The following CACNA1C variants were observed in gnomAD, a reference collection of about 807,000 sequenced individuals.
CACNA1C encodes the protein voltage-dependent L-type calcium channel subunit alpha-1C.
In CACNA1C, 30 loss-of-function variants were observed where a neutral mutation model predicts 229.0. That is an observed-to-expected ratio of 0.13 (90% confidence interval 0.10 to 0.18). CACNA1C has a LOEUF of 0.18. CACNA1C is among the 10% of genes least tolerant of loss of function. CACNA1C has a pLI of 1.00. For synonymous variants in CACNA1C, 1,114 were observed against 1,132.5 expected (o/e 0.98, Z 0.33); for missense variants, 1,658 against 2,845.0 (o/e 0.58, Z 9.49).
chr12:2,415,711 A>G (rs971432679), intron 3 of CACNA1C, among the ~76,000 whole-genome samples: 17 of 152,146 alleles, frequency 1.1e-4, no homozygotes, highest in African/African-American at 3.6e-4. Context: ...TTCCTGCTTG[A>G]TGTGACCAGA....
chr12:2,619,484 T>C (rs968615257), intron 29 of CACNA1C, among the ~76,000 whole-genome samples: 1 of 152,254 alleles, frequency 6.6e-6, no homozygotes, highest in Non-Finnish European at 1.5e-5. Context: ...CCATGTATTC[T>C]ATCCCTTCAG....
chr12:2,484,908 T>A (rs1397502669), intron 5 of CACNA1C, among the ~76,000 whole-genome samples: 1 of 88,402 alleles, frequency 1.1e-5, no homozygotes, highest in Non-Finnish European at 2.2e-5. Flanking sequence ...TTCTCTTCTT[T>A]CTTTTTTTTT....
At position 2,633,698 on chromosome 12, in the gene CACNA1C, C is replaced by G. The variant is rs1315420451; in HGVS notation, c.3829-599C>G. 6.3e-7 allele frequency: 1 copy of G among 1,593,666 alleles called. No homozygotes were observed. On this transcript the variant is annotated intron_variant, in intron 29 of 46. Coordinates refer to ENST00000399655, the MANE Select transcript of CACNA1C (RefSeq NM_000719.7). The surrounding 1 kb of genome is among the most constrained non-coding windows in gnomAD (Gnocchi z 5.8). ...AATTGGCAGCATAATTGACGTCATT[C>G]TCAGTGAGACTAATGTGAGTATTAC...
At chr12:2,555,876 G>C (rs1328289723) in intron 10 of CACNA1C, among the ~76,000 whole-genome samples, 1 of 152,088 alleles carries the variant, frequency 6.6e-6, no homozygotes, top group Non-Finnish European at 1.5e-5. Flanking sequence ...TGTGTGCCGC[G>C]CTGGGACGTC....
At chr12:2,650,074 G>T (rs1239973907) in intron 31 of CACNA1C, among the ~76,000 whole-genome samples, 1 of 152,178 alleles carries the variant, frequency 6.6e-6, no homozygotes, top group Non-Finnish European at 1.5e-5. Flanking sequence ...CCACCTGTCT[G>T]TCCCCTGCCT....
Position 2,108,357 on chromosome 12 carries a change from G to A in CACNA1C, c.50-6867G>A, listed in dbSNP as rs904563441. On this transcript the variant is annotated intron_variant, in intron 1 of 46. Coordinates refer to ENST00000399655, the MANE Select transcript of CACNA1C (RefSeq NM_000719.7). The surrounding 1 kb of genome is among the most constrained non-coding windows in gnomAD (Gnocchi z 5.3). ...TTCGGGTACAATTATGAGGCTGGGG[G>A]ACCTGGAAGCCACTGTGCCAAGGGC... Among the ~76,000 whole-genome samples, 3 of 152,198 alleles carry A rather than the reference G, an allele frequency of 2.0e-5. No individual in the cohort carries two copies. The highest frequency in any genetic ancestry group is 4.4e-5 in the Non-Finnish European group (3 of 68,040).
chr12:2,329,496 C>T (rs1468994527), intron 3 of CACNA1C, among the ~76,000 whole-genome samples: 3 of 152,172 alleles, frequency 2.0e-5, no homozygotes, highest in African/African-American at 7.2e-5. Flanking sequence ...CATCAATGAA[C>T]ATCATTCCTT....
intron 3 of CACNA1C, among the ~76,000 whole-genome samples, chr12:2,307,001 C>T (rs935603310): frequency 3.3e-5 from 5 of 152,202 alleles, no homozygotes; most frequent in African/African-American, 1.2e-4. Flanking sequence ...CAGGACCCCC[C>T]TCACCAAAAC....
chr12:2,524,941 G>A (rs1231716342), intron 9 of CACNA1C, among the ~76,000 whole-genome samples: 2 of 152,220 alleles, frequency 1.3e-5, no homozygotes, highest in Non-Finnish European at 2.9e-5. Context: ...CCAAAAGATC[G>A]CAACCGGACC....
intron 3 of CACNA1C, among the ~76,000 whole-genome samples, chr12:2,334,836 T>C (rs2096644217): frequency 2.0e-5 from 3 of 152,196 alleles, no homozygotes; most frequent in African/African-American, 7.2e-5. Context: ...GGCAATTTAT[T>C]TCCCTCCTAA....
Position 2,010,266 on chromosome 12 carries a change from G to A in CACNA1C, c.139+39065G>A, listed in dbSNP as rs529428083. 5.3e-5 allele frequency among the ~76,000 whole-genome samples: 8 copies of A among 152,304 alleles called. No individual in the cohort carries two copies. In the East Asian group the frequency reaches 1.5e-3, roughly 29 times the overall value. On this transcript the variant is annotated intron_variant, in intron 1 of 46. Coordinates refer to the CACNA1C transcript ENST00000682462. ...TCACAGAGGAAGATAAAATATAGGAGACATAGCTCTTTGTTCTGCAGGGTT... is the reference window on the plus strand; with the variant it reads ...TCACAGAGGAAGATAAAATATAGGAAACATAGCTCTTTGTTCTGCAGGGTT...
At chr12:2,314,346 T>C (rs904456181) in intron 3 of CACNA1C, among the ~76,000 whole-genome samples, 2 of 152,214 alleles carry the variant, frequency 1.3e-5, no homozygotes, top group African/African-American at 2.4e-5. Flanking sequence ...AAGTAAAAGC[T>C]TTAAATATAA....
At position 2,272,361 on chromosome 12, in the gene CACNA1C, C is replaced by G. The variant is rs1211533206; in HGVS notation, c.477+151931C>G. Among the ~76,000 whole-genome samples, 3 of 152,168 alleles carry G rather than the reference C, an allele frequency of 2.0e-5. No individual in the cohort carries two copies. The East Asian group carries it at 5.8e-4, about 29-fold the overall frequency. On this transcript the variant is annotated intron_variant, in intron 3 of 46. Coordinates refer to ENST00000399655, the MANE Select transcript of CACNA1C (RefSeq NM_000719.7). ...CTCCAGTTCTGCCCTGAAGGCTTGT[C>G]CATGCCTGTGGATCACCATCCTCTG...
chr12:2,447,783 C>T (rs2154562565), intron 3 of CACNA1C, among the ~76,000 whole-genome samples: 1 of 152,302 alleles, frequency 6.6e-6, no homozygotes, highest in Non-Finnish European at 1.5e-5. Flanking sequence ...TGTGGGTGAG[C>T]CTGGAACACC....
intron 3 of CACNA1C, among the ~76,000 whole-genome samples, chr12:2,263,851 G>A (rs1360138434): frequency 6.6e-6 from 1 of 152,076 alleles, no homozygotes; most frequent in East Asian, 1.9e-4. Context: ...AGTTTGAGAT[G>A]CCCAAGTAGA....
At chr12:2,340,693 C>T (rs898955153) in intron 3 of CACNA1C, among the ~76,000 whole-genome samples, 2 of 152,200 alleles carry the variant, frequency 1.3e-5, no homozygotes, top group Non-Finnish European at 2.9e-5. Flanking sequence ...TGTGGTGGCT[C>T]ACGCCTGTAA....
intron 11 of CACNA1C, among the ~76,000 whole-genome samples, chr12:2,564,404 G>A (rs566406573): frequency 2.0e-5 from 3 of 152,232 alleles, no homozygotes; most frequent in Admixed American, 6.5e-5. Context: ...TTCATAGAAA[G>A]GAGATCATTT....
intron 1 of CACNA1C, among the ~76,000 whole-genome samples, chr12:2,107,213 C>T (rs962912883): frequency 3.4e-5 from 5 of 145,220 alleles, no homozygotes; most frequent in Admixed American, 2.7e-4. Context: ...GCTGGGGTGT[C>T]CTGAAGCCGC....
rs1375474361 is a variant in CACNA1C, at chr12:2,666,132, C to T, written c.4526+424C>T. On this transcript the variant is annotated intron_variant, in intron 36 of 46. Coordinates refer to ENST00000399655, the MANE Select transcript of CACNA1C (RefSeq NM_000719.7). The surrounding 1 kb of genome is among the most constrained non-coding windows in gnomAD (Gnocchi z 5.3). ...TGAACCTGGGAGGTGGAGGTTGCAG[C>T]GAGCTGAGATCACACCACTGCACTC... 1.3e-5 allele frequency among the ~76,000 whole-genome samples: 2 copies of T among 152,146 alleles called. No homozygotes were observed. Among genetic ancestry groups the T allele is most frequent in the East Asian group, 1.9e-4 (1 of 5,172 alleles).
Sources: allele counts gnomAD v4.1 joint callset (sites outside exome capture counted in the v4.1 genomes callset), GRCh38; gene constraint gnomAD v4.1.1; non-coding constraint Gnocchi (gnomAD v3.1); transcripts MANE v1.5; gene names NCBI Gene and HGNC (gene_info 2026-07-23, HGNC 2026-07-21).